The following CDH13 variants were observed in gnomAD, a reference collection of about 807,000 sequenced individuals.
CDH13 encodes the protein cadherin 13.
Under a neutral mutation model 63.8 loss-of-function variants are expected in CDH13, and 24 were observed. That is an observed-to-expected ratio of 0.38 (90% CI 0.27 to 0.53). CDH13 has a LOEUF of 0.53. CDH13 is among the 20% of genes least tolerant of loss of function. CDH13 has a pLI of 0.85. For missense variants in CDH13, 1,049 were observed against 903.1 expected (o/e 1.16, Z -2.07); for synonymous variants, 503 against 355.3 (o/e 1.42, Z -4.67).
chr16:83,566,083 A>G (rs910151226), intron 7 of CDH13, among the ~76,000 whole-genome samples: 6 of 152,182 alleles, frequency 3.9e-5, no homozygotes, highest in Non-Finnish European at 7.3e-5. Flanking sequence ...GACTTGGACT[A>G]TGGAAGTTGC....
intron 2 of CDH13, among the ~76,000 whole-genome samples, chr16:82,871,866 T>G (rs533449381): frequency 1.3e-5 from 2 of 152,288 alleles, no homozygotes; most frequent in East Asian, 3.9e-4. Flanking sequence ...CACCAGCAAT[T>G]CCAGTCTTTT....
intron 5 of CDH13, among the ~76,000 whole-genome samples, chr16:83,247,254 C>T: frequency 6.6e-6 from 1 of 152,236 alleles, no homozygotes; most frequent in East Asian, 1.9e-4. Flanking sequence ...GTGTGGGGTC[C>T]AGGACAGGCT....
chr16:83,023,901 T>C (rs1468379435), intron 2 of CDH13, among the ~76,000 whole-genome samples: 5 of 152,226 alleles, frequency 3.3e-5, no homozygotes, highest in African/African-American at 1.2e-4. Context: ...TGGCTTGTTT[T>C]TCTTTTGAGT....
chr16:82,727,213 C>T (rs2033147114), intron 1 of CDH13, among the ~76,000 whole-genome samples: 1 of 152,102 alleles, frequency 6.6e-6, no homozygotes, highest in African/African-American at 2.4e-5. Context: ...CATTGTTCTC[C>T]TTTGTGGACA....
intron 7 of CDH13, among the ~76,000 whole-genome samples, chr16:83,515,054 C>A (rs557258210): frequency 1.3e-5 from 2 of 152,080 alleles, no homozygotes; most frequent in African/African-American, 4.8e-5. Context: ...GAGGCAGCTT[C>A]GGGGGTAGGA....
intron 7 of CDH13, among the ~76,000 whole-genome samples, chr16:83,497,684 A>G (rs961742753): frequency 6.6e-6 from 1 of 152,180 alleles, no homozygotes; most frequent in Non-Finnish European, 1.5e-5. Flanking sequence ...TAAAAATTAT[A>G]AAAAGCATTT....
chr16:82,799,567 A>C (rs1270975169), intron 1 of CDH13, among the ~76,000 whole-genome samples: 1 of 152,230 alleles, frequency 6.6e-6, no homozygotes, highest in Non-Finnish European at 1.5e-5. Flanking sequence ...TCAAGGAGAA[A>C]TAAATGGAAA....
At chr16:83,055,240 A>T (rs982027019) in intron 3 of CDH13, among the ~76,000 whole-genome samples, 1 of 152,026 alleles carries the variant, frequency 6.6e-6, no homozygotes, top group African/African-American at 2.4e-5. Context: ...CACCAAATTT[A>T]ACTCTAATAA....
chr16:83,494,850 G>A (rs1002300815), intron 7 of CDH13, among the ~76,000 whole-genome samples: 5 of 152,182 alleles, frequency 3.3e-5, no homozygotes, highest in South Asian at 2.1e-4. Flanking sequence ...CTTGTTGATC[G>A]TATTATTTAG....
chr16:82,812,565 G>T (rs560945983), intron 1 of CDH13, among the ~76,000 whole-genome samples: 108 of 152,202 alleles, frequency 7.1e-4, no homozygotes, highest in Non-Finnish European at 1.2e-3. Context: ...ACTCAAAGTC[G>T]CAAGAGAACA....
chr16:82,856,374 C>CA (rs71382852), intron 1 of CDH13, among the ~76,000 whole-genome samples: 1,307 of 95,804 alleles, frequency 0.014, 37 homozygotes, highest in African/African-American at 0.049. Context: ...GACTCCATCT[C>CA]AAAAAAAAAA....
chr16:83,235,402 T>C (rs1464015118), intron 5 of CDH13, among the ~76,000 whole-genome samples: 3 of 152,162 alleles, frequency 2.0e-5, no homozygotes, highest in African/African-American at 7.2e-5. Flanking sequence ...AGCCCTATTA[T>C]GTGAGCCTTC....
chr16:83,064,879 C>G (rs918266393), intron 3 of CDH13, among the ~76,000 whole-genome samples: 2 of 152,124 alleles, frequency 1.3e-5, no homozygotes, highest in Non-Finnish European at 2.9e-5. Context: ...AATTGACTCT[C>G]TTAGTTATTT....
intron 10 of CDH13, among the ~76,000 whole-genome samples, chr16:83,713,667 A>C (rs570009858): frequency 2.0e-5 from 3 of 152,280 alleles, no homozygotes; most frequent in African/African-American, 7.2e-5. Context: ...AAGTGAATTG[A>C]TGTATCTCAC....
At chr16:82,979,092 G>A (rs1409692481) in intron 2 of CDH13, among the ~76,000 whole-genome samples, 1 of 152,220 alleles carries the variant, frequency 6.6e-6, no homozygotes, top group Non-Finnish European at 1.5e-5. Flanking sequence ...TGCCCTATTG[G>A]ATTCTAGACT....
chr16:83,225,083 C>A (rs1597550960), intron 5 of CDH13, among the ~76,000 whole-genome samples: 1 of 152,146 alleles, frequency 6.6e-6, no homozygotes, highest in Non-Finnish European at 1.5e-5. Context: ...CTTTCCCAGG[C>A]CTGCTGGATC....
At chr16:83,024,155 A>G (rs1479108388) in intron 2 of CDH13, among the ~76,000 whole-genome samples, 1 of 152,214 alleles carries the variant, frequency 6.6e-6, no homozygotes, top group African/African-American at 2.4e-5. Context: ...ATGTAGTACC[A>G]GCCAGCATTT....
chr16:83,018,371 A>G (rs1042648472), intron 2 of CDH13, among the ~76,000 whole-genome samples: 2 of 152,188 alleles, frequency 1.3e-5, no homozygotes, highest in Non-Finnish European at 2.9e-5. Flanking sequence ...ACTGTCTTGT[A>G]CATTGTAAGT....
chr16:82,947,004 CTGTGTGTGTGTG>C lies in CDH13; in HGVS notation c.158-84973_158-84962del, dbSNP rs3223223. Among the ~76,000 whole-genome samples the C allele has an allele frequency of 1.0e-3, 138 of 135,010 alleles. 1 individual carries two copies. In the East Asian group the frequency reaches 0.012, roughly 12 times the overall value. 88.6% of individuals were successfully genotyped at this position (135,010 alleles called of 152,430 possible). ...CCAAAGTCTTTATAAGTGCGCACGC[CTGTGTGTGTGTG>C]TGTGTGTGTGTGTGTGTGTGTGTGT... On this transcript the variant is annotated intron_variant, in intron 2 of 13. Transcript: ENST00000567109.
Sources: allele counts gnomAD v4.1 joint callset (sites outside exome capture counted in the v4.1 genomes callset), GRCh38; gene constraint gnomAD v4.1.1; transcripts MANE v1.5; gene names NCBI Gene and HGNC (gene_info 2026-07-23, HGNC 2026-07-21).